SNAPC3: variants seen among roughly 807,000 people sequenced by gnomAD.
The protein encoded by SNAPC3 is small nuclear RNA activating complex polypeptide 3.
A neutral mutation model predicts 47.7 loss-of-function variants in SNAPC3; 56 were observed. That is an observed-to-expected ratio of 1.18 (90% CI 0.95 to 1.47). The LOEUF (loss-of-function observed/expected upper bound fraction) is 1.47, where lower values mean the gene tolerates loss of function less well. Ranked by LOEUF, SNAPC3 falls within the 40% of genes most tolerant of loss-of-function variation. The probability of loss-of-function intolerance (pLI) is 0.00; values close to 1 mark genes in which losing one functional copy is unlikely to be tolerated. For synonymous variants in SNAPC3, 235 were observed against 189.9 expected (o/e 1.24, Z -1.95); for missense variants, 665 against 511.3 (o/e 1.30, Z -2.90).
At position 15,460,080 on chromosome 9, in the gene SNAPC3, A is replaced by T. The variant is rs2131988610; in HGVS notation, c.*214A>T. 2.7e-6 allele frequency: 1 copy of T among 373,106 alleles called. No homozygotes were observed. Among genetic ancestry groups the T allele is most frequent in the East Asian group, 4.2e-5 (1 of 23,762 alleles). 23.1% of individuals were successfully genotyped at this position (373,106 alleles called of 1,614,324 possible). The stretch of plus-strand genomic sequence containing the variant: ...TTTATATTTATTCCAGATAGTATTT[A>T]ATTTAGTGCTTTTTACCCATTTTGA... On this transcript the variant is annotated 3_prime_UTR_variant, in exon 9 of 9. Transcript: ENST00000380821.
At chr9:15,428,496 G>A (rs1406081355) in intron 2 of SNAPC3, among the ~76,000 whole-genome samples, 6 of 120,926 alleles carry the variant, frequency 5.0e-5, no homozygotes, top group African/African-American at 1.4e-4. Flanking sequence ...GCGACACAGC[G>A]AGACTCTGTC....
At chr9:15,440,983 A>G (rs1437462233) in intron 3 of SNAPC3, among the ~76,000 whole-genome samples, 2 of 150,802 alleles carry the variant, frequency 1.3e-5, no homozygotes, top group South Asian at 2.1e-4. Context: ...CAGTCAGTCC[A>G]TCCGTCTATC....
rs1321578576 is a variant in SNAPC3, at chr9:15,422,985, G to A, written c.106G>A (p.Glu36Lys). ...CAACTTTCCAGAGTATGAGCTTCCC[G>A]AGCTAAATACGCGCGCTTTCCATGT... is the stretch of plus-strand genomic sequence containing the variant. Reference protein sequence around the residue: ...GCNFPEYELPELNTRAFHVGA... With the variant: ...GCNFPEYELPKLNTRAFHVGA... The change falls in exon 1 of 9, where the codon GAG (glutamate) becomes AAG (lysine). Residue 36 changes from glutamate (E) to lysine (K), a missense_variant. By Grantham distance (56) the Glu-to-Lys change is moderately conservative. Coordinates refer to ENST00000380821, the MANE Select transcript of SNAPC3 (RefSeq NM_001039697.2). 3.9e-6 allele frequency: 6 copies of A among 1,545,894 alleles called. No homozygotes were observed. In the South Asian group the frequency reaches 6.0e-5, roughly 16 times the overall value.
chr9:15,458,091 T>TTTTCTCTGAGAAA, intron 8 of SNAPC3, 24 bp downstream of exon 8: 1 of 1,340,822 alleles, frequency 7.5e-7, no homozygotes, highest in Non-Finnish European at 1.0e-6. Context: ...TATTTTTTTT[T>TTTTCTCTGAGAAA]TTCTCTGAGA....
intron 3 of SNAPC3, among the ~76,000 whole-genome samples, chr9:15,438,689 C>T (rs2033049204): frequency 6.6e-6 from 1 of 151,954 alleles, no homozygotes; most frequent in African/African-American, 2.4e-5. Flanking sequence ...AATTTTTCTC[C>T]TGTTATTGAT....
chr9:15,438,713 T>C (rs1423750968), intron 3 of SNAPC3, among the ~76,000 whole-genome samples: 1 of 152,188 alleles, frequency 6.6e-6, no homozygotes, highest in Non-Finnish European at 1.5e-5. Context: ...TAATATTCAC[T>C]TAATGATCAG....
At chr9:15,434,942 C>T (rs2032608501) in intron 3 of SNAPC3, among the ~76,000 whole-genome samples, 1 of 152,144 alleles carries the variant, frequency 6.6e-6, no homozygotes, top group South Asian at 2.1e-4. Context: ...TATTTTGCGT[C>T]TGCCCCTAGG....
chr9:15,453,013 G>T, intron 6 of SNAPC3, 28 bp from the exon 7 acceptor site: 1 of 1,567,968 alleles, frequency 6.4e-7, no homozygotes. Flanking sequence ...GTGGAAAAAT[G>T]ATATATCCTT....
At chr9:15,445,902 C>T (rs2033892892) in intron 4 of SNAPC3, among the ~76,000 whole-genome samples, 1 of 152,148 alleles carries the variant, frequency 6.6e-6, no homozygotes, top group South Asian at 2.1e-4. Flanking sequence ...TGCCATGGCA[C>T]TCCAGCCTAG....
chr9:15,441,317 G>C (rs1033192000), intron 3 of SNAPC3, among the ~76,000 whole-genome samples: 1 of 141,064 alleles, frequency 7.1e-6, no homozygotes, highest in Non-Finnish European at 1.5e-5. Context: ...AGAGACCTCC[G>C]TATTGTTTTC....
chr9:15,434,817 C>A (rs1043448833), intron 3 of SNAPC3, among the ~76,000 whole-genome samples: 1 of 152,162 alleles, frequency 6.6e-6, no homozygotes, highest in Admixed American at 6.5e-5. Flanking sequence ...GTATACACCA[C>A]GTTTTGTTCT....
In SNAPC3 at chr9:15,436,777, G is replaced by T. The variant is rs2032843343; in HGVS notation, c.477+3141G>T. Among the ~76,000 whole-genome samples, 3 of 150,828 alleles carry T rather than the reference G, an allele frequency of 2.0e-5. No homozygotes were observed. The South Asian group carries it at 6.3e-4, about 32-fold the overall frequency. On this transcript the variant is annotated intron_variant, in intron 3 of 8. Transcript: ENST00000380821. ...ATACCAAGTCTTCCAATCCATGAAT[G>T]AGATTTCTTTCCATTTATTTAGATA...
intron 5 of SNAPC3, among the ~76,000 whole-genome samples, chr9:15,449,557 ATATATATTTTTTTTTTTTT>A (rs1361075727): frequency 1.2e-4 from 5 of 43,446 alleles, no homozygotes; most frequent in African/African-American, 5.4e-4. Flanking sequence ...ATATATATAT[ATATATATTTTTTTTTTTTT>A]TTTTTTTTTT....
chr9:15,459,983 C>T lies in SNAPC3; in HGVS notation c.*117C>T. ...ATCCACTTTGAACAGTCCGCTAAAG[C>T]TATCAAAAAAAAGTCCAAATGACAG... On this transcript the variant is annotated 3_prime_UTR_variant, in exon 9 of 9. Coordinates refer to ENST00000380821, the MANE Select transcript of SNAPC3 (RefSeq NM_001039697.2). 1.3e-6 allele frequency: 1 copy of T among 796,380 alleles called. No homozygotes were observed. The highest frequency in any genetic ancestry group is 1.9e-6 in the Non-Finnish European group (1 of 537,344). 49.3% of individuals were successfully genotyped at this position (796,380 alleles called of 1,614,324 possible).
At chr9:15,457,777 A>C (rs533643552) in intron 7 of SNAPC3, among the ~76,000 whole-genome samples, 183 bp from the exon 8 acceptor site, 2 of 152,304 alleles carry the variant, frequency 1.3e-5, no homozygotes, top group East Asian at 3.9e-4. Context: ...CTCTTGGAGA[A>C]AGTATTTTGT....
chr9:15,440,645 G>C (rs1225916419), intron 3 of SNAPC3, among the ~76,000 whole-genome samples: 1 of 152,096 alleles, frequency 6.6e-6, no homozygotes, highest in Admixed American at 6.6e-5. Flanking sequence ...AGGCTACATA[G>C]ATAGATAGAT....
intron 3 of SNAPC3, 101 bp from the exon 4 acceptor site, chr9:15,444,501 C>T: frequency 1.4e-6 from 1 of 696,116 alleles, no homozygotes; most frequent in Admixed American, 2.5e-5. Flanking sequence ...GTGTCAAACC[C>T]AAGGCTGCTT....
At chr9:15,438,984 C>A (rs1022425330) in intron 3 of SNAPC3, among the ~76,000 whole-genome samples, 1 of 152,086 alleles carries the variant, frequency 6.6e-6, no homozygotes, top group Non-Finnish European at 1.5e-5. Context: ...TTCTTCAATT[C>A]TGTTGGCTTT....
chr9:15,462,539 AAC>A (rs1241485813), downstream of SNAPC3: 2 of 152,232 alleles, frequency 1.3e-5, no homozygotes, highest in African/African-American at 4.8e-5. Flanking sequence ...AATTACATGT[AAC>A]ACATTAGCTA....
Sources: allele counts gnomAD v4.1 joint callset (sites outside exome capture counted in the v4.1 genomes callset), GRCh38; gene constraint gnomAD v4.1.1; transcripts MANE v1.5; gene names NCBI Gene and HGNC (gene_info 2026-07-23, HGNC 2026-07-21).